Variants in PALS2 observed in about 807,000 individuals in gnomAD.
PALS2 encodes the protein protein associated with LIN7 2, MAGUK p55 family member, also known as protein PALS2.
In PALS2, 27 loss-of-function variants were observed where a neutral mutation model predicts 61.6. The ratio of observed to expected loss-of-function variants is 0.44; its 90% confidence interval spans 0.32 to 0.60. The LOEUF is 0.60. Ranked by LOEUF, PALS2 falls within the 20% of genes least tolerant of loss-of-function variation. The pLI, the probability that PALS2 is intolerant of heterozygous loss-of-function variation, is 0.05. For missense variants in PALS2, 554 were observed against 639.4 expected (o/e 0.87, Z 1.44); for synonymous variants, 236 against 218.6 (o/e 1.08, Z -0.70).
At chr7:24,631,734 T>C (rs1785005254) in intron 2 of PALS2, among the ~76,000 whole-genome samples, 1 of 152,206 alleles carries the variant, frequency 6.6e-6, no homozygotes, top group South Asian at 2.1e-4. Flanking sequence ...ACCACCGCCT[T>C]GATCAGTCAG....
chr7:24,624,490 CT>C (rs1369133700), intron 2 of PALS2, among the ~76,000 whole-genome samples: 1 of 151,670 alleles, frequency 6.6e-6, no homozygotes, highest in Non-Finnish European at 1.5e-5. Flanking sequence ...ATTTCACTCT[CT>C]TCTGTGATTT....
In PALS2 at chr7:24,640,820, A is replaced by G. The variant is rs374738394; in HGVS notation, c.118-896A>G. The stretch of plus-strand genomic sequence containing the variant: ...TCAGGAGATCAAGACCATCCTGGCT[A>G]ACATGGTGAAACCCTGTCTCTACTA... On this transcript the variant is annotated intron_variant, in intron 2 of 11. Coordinates refer to ENST00000222644, the MANE Select transcript of PALS2 (RefSeq NM_001303037.2). Among the ~76,000 whole-genome samples the G allele has an allele frequency of 7.9e-5, 12 of 152,104 alleles. No homozygotes were observed. The South Asian group carries it at 1.0e-3, about 13-fold the overall frequency.
intron 2 of PALS2, among the ~76,000 whole-genome samples, chr7:24,631,925 A>G (rs940741567): frequency 6.6e-6 from 1 of 152,212 alleles, no homozygotes; most frequent in Non-Finnish European, 1.5e-5. Flanking sequence ...TAACTTTTAT[A>G]TACACAGGGA....
chr7:24,657,935 C>A (rs951382757), intron 5 of PALS2, among the ~76,000 whole-genome samples: 1 of 152,040 alleles, frequency 6.6e-6, no homozygotes, highest in Non-Finnish European at 1.5e-5. Context: ...TCAATTTTTC[C>A]AGCTCAGTTT....
intron 11 of PALS2, among the ~76,000 whole-genome samples, chr7:24,682,418 C>G (rs937210560): frequency 4.6e-5 from 7 of 152,162 alleles, no homozygotes; most frequent in Non-Finnish European, 1.0e-4. Flanking sequence ...GGCATTCCGT[C>G]CTGCAAACTC....
At chr7:24,670,092 G>A (rs1787222850) in intron 9 of PALS2, among the ~76,000 whole-genome samples, 1 of 152,030 alleles carries the variant, frequency 6.6e-6, no homozygotes, top group Non-Finnish European at 1.5e-5. Context: ...TCTTTAGTCT[G>A]CTGTTTCCTG....
chr7:24,604,967 C>G (rs1007664813), intron 1 of PALS2, among the ~76,000 whole-genome samples: 4 of 152,214 alleles, frequency 2.6e-5, no homozygotes, highest in African/African-American at 9.7e-5. Context: ...ACTGTTCTTA[C>G]CTCAAGCTCT....
At chr7:24,603,128 C>T (rs1783777602) in intron 1 of PALS2, among the ~76,000 whole-genome samples, 1 of 152,182 alleles carries the variant, frequency 6.6e-6, no homozygotes, top group South Asian at 2.1e-4. Context: ...TGAGCCAGCA[C>T]CTTGATCTTG....
chr7:24,642,753 T>A (rs1170622599), intron 3 of PALS2, among the ~76,000 whole-genome samples: 1 of 152,156 alleles, frequency 6.6e-6, no homozygotes, highest in African/African-American at 2.4e-5. Context: ...CCGACATAAA[T>A]TAGTGTCTTA....
intron 9 of PALS2, among the ~76,000 whole-genome samples, chr7:24,670,280 A>G (rs999907677): frequency 1.3e-5 from 2 of 151,452 alleles, no homozygotes; most frequent in Non-Finnish European, 2.9e-5. Flanking sequence ...ATATATGTGT[A>G]TACAGTTTTT....
In PALS2 at chr7:24,663,853, C is replaced by T. The variant is rs575215970; in HGVS notation, c.783+132C>T. 58 of 1,129,732 alleles carry T rather than the reference C, an allele frequency of 5.1e-5. No individual in the cohort carries two copies. The African/African-American group carries it at 7.7e-4, about 15-fold the overall frequency. The allele number at this position is 1,129,732 out of a possible 1,614,324, so 70.0% of individuals were successfully genotyped here. ...TTTCCCACATGAACAGCTCCTGCTTCGTGGCTACTAATTTTGTGGACATAA... is the reference window on the plus strand; with the variant it reads ...TTTCCCACATGAACAGCTCCTGCTTTGTGGCTACTAATTTTGTGGACATAA... On this transcript the variant is annotated intron_variant, in intron 6 of 11. Coordinates refer to ENST00000222644, the MANE Select transcript of PALS2 (RefSeq NM_001303037.2).
Position 24,688,028 on chromosome 7 carries a change from A to G in PALS2, c.*414A>G, listed in dbSNP as rs1283398583. On this transcript the variant is annotated 3_prime_UTR_variant, in exon 12 of 12. Transcript: ENST00000222644. ...AAGCTGTCATTTAGTTCAGTATTCA[A>G]ATAGTGAAGGGTTAGTCTTAATAGA... is the stretch of plus-strand genomic sequence containing the variant. 2.0e-5 allele frequency: 3 copies of G among 153,670 alleles called. No homozygotes were observed. The highest frequency in any genetic ancestry group is 7.2e-5 in the African/African-American group (3 of 41,478). The allele number at this position is 153,670 out of a possible 1,614,324, so 9.5% of individuals were successfully genotyped here.
At chr7:24,645,324 C>A (rs988983978) in intron 3 of PALS2, among the ~76,000 whole-genome samples, 2 of 152,120 alleles carry the variant, frequency 1.3e-5, no homozygotes, top group African/African-American at 2.4e-5. Flanking sequence ...GAGCTTCAAT[C>A]TTCTGCATAT....
chr7:24,593,704 C>G (rs1438675396), intron 1 of PALS2, among the ~76,000 whole-genome samples: 1 of 152,028 alleles, frequency 6.6e-6, no homozygotes, highest in Non-Finnish European at 1.5e-5. Flanking sequence ...ATCTTTTTTT[C>G]TGAGCAGTAT....
intron 3 of PALS2, among the ~76,000 whole-genome samples, chr7:24,647,675 GA>G (rs1785914167): frequency 6.6e-6 from 1 of 152,194 alleles, no homozygotes; most frequent in Non-Finnish European, 1.5e-5. Flanking sequence ...GAAGAGGCAG[GA>G]ATGTACTTGA....
intron 1 of PALS2, among the ~76,000 whole-genome samples, chr7:24,617,697 T>G (rs1784341367): frequency 6.6e-6 from 1 of 152,204 alleles, no homozygotes; most frequent in African/African-American, 2.4e-5. Flanking sequence ...ATGGTGCAGC[T>G]TTGCCAGGGG....
intron 1 of PALS2, among the ~76,000 whole-genome samples, chr7:24,609,343 C>A (rs1784033823): frequency 6.6e-6 from 1 of 152,116 alleles, no homozygotes; most frequent in Admixed American, 6.6e-5. Flanking sequence ...CAGACTGCTG[C>A]TTCAGATTTA....
In PALS2 at chr7:24,602,863, G is replaced by C. The variant is rs146823314; in HGVS notation, c.-2-20803G>C. Among the ~76,000 whole-genome samples, 20 of 152,230 alleles carry C rather than the reference G, an allele frequency of 1.3e-4. No homozygotes were observed. The East Asian group carries it at 3.9e-3, about 29-fold the overall frequency. Reference sequence around the variant, plus strand: ...CATGAGGGTGGTTTCCTGTTCTCTTGATAGTAAATGAGTTCTCACAAGATC... The same window carrying C: ...CATGAGGGTGGTTTCCTGTTCTCTTCATAGTAAATGAGTTCTCACAAGATC... On this transcript the variant is annotated intron_variant, in intron 1 of 11. Transcript: ENST00000222644.
intron 1 of PALS2, among the ~76,000 whole-genome samples, chr7:24,609,722 C>T (rs1784046800): frequency 1.3e-5 from 2 of 151,902 alleles, no homozygotes; most frequent in African/African-American, 2.4e-5. Context: ...TTCAGGCTCC[C>T]ACATCCCCAT....
Sources: allele counts gnomAD v4.1 joint callset (sites outside exome capture counted in the v4.1 genomes callset), GRCh38; gene constraint gnomAD v4.1.1; transcripts MANE v1.5; gene names NCBI Gene and HGNC (gene_info 2026-07-23, HGNC 2026-07-21).